The following WNT3A variants were observed in gnomAD, a reference collection of about 807,000 sequenced individuals.
The protein encoded by WNT3A is Wnt family member 3A.
In WNT3A, 17 loss-of-function variants were observed where a neutral mutation model predicts 37.0. The observed-to-expected ratio is 0.46, with a 90% confidence interval of 0.31 to 0.69. The LOEUF is 0.69. Ranked by LOEUF, WNT3A falls within the 30% of genes least tolerant of loss-of-function variation. The pLI is 0.05. For synonymous variants in WNT3A, 187 were observed against 211.0 expected (o/e 0.89, Z 0.99); for missense variants, 411 against 510.2 (o/e 0.81, Z 1.87).
chr1:228,017,871 T>G (rs1294404666), intron 1 of WNT3A, among the ~76,000 whole-genome samples: 1 of 152,140 alleles, frequency 6.6e-6, no homozygotes, highest in South Asian at 2.1e-4. Flanking sequence ...GTGTTGGAAC[T>G]CAGAGGTGGT....
At chr1:228,044,431 T>C (rs757615621) in intron 2 of WNT3A, among the ~76,000 whole-genome samples, 3 of 152,208 alleles carry the variant, frequency 2.0e-5, no homozygotes, top group Non-Finnish European at 4.4e-5. Flanking sequence ...CTTTTGGTGA[T>C]GCCATGCCTC....
intron 2 of WNT3A, among the ~76,000 whole-genome samples, chr1:228,040,978 T>A (rs2031269792): frequency 7.0e-6 from 1 of 142,334 alleles, no homozygotes; most frequent in South Asian, 2.2e-4. Flanking sequence ...ATTTTATATA[T>A]ATATATATAT....
chr1:228,025,421 T>C (rs2030828490), intron 2 of WNT3A, among the ~76,000 whole-genome samples: 1 of 152,164 alleles, frequency 6.6e-6, no homozygotes, highest in Non-Finnish European at 1.5e-5. Context: ...TGATCACGGC[T>C]CATTGCAGCC....
rs1321368677 is a variant in WNT3A at position 228,038,205 on chromosome 1, G to T, written c.314-12451G>T. Among the ~76,000 whole-genome samples the T allele has an allele frequency of 6.6e-6, 1 of 152,086 alleles. No homozygotes were observed. Among genetic ancestry groups the T allele is most frequent in the East Asian group, 1.9e-4 (1 of 5,160 alleles). On this transcript the variant is annotated intron_variant, in intron 2 of 3. Coordinates refer to ENST00000284523, the MANE Select transcript of WNT3A (RefSeq NM_033131.4). The surrounding 1 kb of genome is among the most constrained non-coding windows in gnomAD (Gnocchi z 5.7). The stretch of plus-strand genomic sequence containing the variant: ...GCCACCGCGACACCCCCTCCCGGCC[G>T]CCTGGCTCCTCCTGGGGCCGCAGGA...
At chr1:228,012,656 A>G (rs1202574473) in intron 1 of WNT3A, among the ~76,000 whole-genome samples, 1 of 152,132 alleles carries the variant, frequency 6.6e-6, no homozygotes, top group African/African-American at 2.4e-5. Flanking sequence ...TCTGTTCAGA[A>G]GACCCGCTTC....
At chr1:228,040,498 C>G (rs1008593260) in intron 2 of WNT3A, among the ~76,000 whole-genome samples, 1 of 152,044 alleles carries the variant, frequency 6.6e-6, no homozygotes, top group Non-Finnish European at 1.5e-5. Context: ...ACAGTCACTG[C>G]GTAATAAATA....
rs1395448852 is a variant in WNT3A at position 228,060,276 on chromosome 1, C to T, written c.*811C>T. On this transcript the variant is annotated 3_prime_UTR_variant, in exon 4 of 4. Transcript: ENST00000284523. The stretch of plus-strand genomic sequence containing the variant: ...CAACCCCCTGTAAGGTTCCATCCAC[C>T]CCTGCGTCGAGCTGGGAAGGTTCCA... The T allele has an allele frequency of 7.4e-7, 1 of 1,351,566 alleles. No individual in the cohort carries two copies. The highest frequency in any genetic ancestry group is 4.5e-5 in the East Asian group (1 of 21,996). The allele number at this position is 1,351,566 out of a possible 1,614,324, so 83.7% of individuals were successfully genotyped here.
At chr1:228,017,497 G>A (rs1260649903) in intron 1 of WNT3A, among the ~76,000 whole-genome samples, 1 of 152,122 alleles carries the variant, frequency 6.6e-6, no homozygotes, top group African/African-American at 2.4e-5. Flanking sequence ...AGGATGGCTT[G>A]AGTCCAGGAG....
chr1:228,022,570 C>G, intron 1 of WNT3A, 97 bp from the exon 2 acceptor site: 1 of 1,430,478 alleles, frequency 7.0e-7, no homozygotes, highest in Middle Eastern at 1.9e-4. Context: ...TCTCGCCCCC[C>G]GAATGCACTT....
intron 2 of WNT3A, among the ~76,000 whole-genome samples, chr1:228,046,454 G>C (rs1357106899): frequency 1.4e-5 from 1 of 72,122 alleles, no homozygotes; most frequent in African/African-American, 6.6e-5. Flanking sequence ...GCATGTGTCT[G>C]TGTGTGCATT....
intron 3 of WNT3A, among the ~76,000 whole-genome samples, chr1:228,051,792 G>A (rs1029044689): frequency 6.6e-6 from 1 of 152,222 alleles, no homozygotes; most frequent in African/African-American, 2.4e-5. Flanking sequence ...AGCTTCTTGG[G>A]AGGCCTCAGG....
At position 228,050,568 on chromosome 1, in the gene WNT3A, C is replaced by T. The variant is rs186396239; in HGVS notation, c.314-88C>T. ...CCCAACCTCACGAGTTCCTTTATAA[C>T]AATGCAAATGGGCTAAGACCCCTGA... On this transcript the variant is annotated intron_variant, in intron 2 of 3. Coordinates refer to ENST00000284523, the MANE Select transcript of WNT3A (RefSeq NM_033131.4). The surrounding 1 kb of genome is among the most constrained non-coding windows in gnomAD (Gnocchi z 5.0). 290 of 1,472,362 alleles carry T rather than the reference C, an allele frequency of 2.0e-4. No homozygotes were observed. Among genetic ancestry groups the T allele is most frequent in the Non-Finnish European group, 2.6e-4 (287 of 1,108,804 alleles). The allele number at this position is 1,472,362 out of a possible 1,614,324, so 91.2% of individuals were successfully genotyped here. A position where few individuals can be genotyped will look rare whatever the true frequency, so the allele number is the denominator to read the frequency against.
At chr1:228,013,170 T>G (rs1325254206) in intron 1 of WNT3A, among the ~76,000 whole-genome samples, 1 of 152,126 alleles carries the variant, frequency 6.6e-6, no homozygotes. Context: ...ATCTTGGCCT[T>G]GTGAGTAGCT....
intron 1 of WNT3A, among the ~76,000 whole-genome samples, 195 bp from the exon 2 acceptor site, chr1:228,022,472 C>A (rs1037668601): frequency 1.3e-4 from 20 of 152,304 alleles, no homozygotes; most frequent in Middle Eastern, 3.4e-3. Flanking sequence ...ATTTTAGAGG[C>A]CACAGAGAAT....
At position 228,060,254 on chromosome 1, in the gene WNT3A, C is replaced by A. The variant is rs770598373; in HGVS notation, c.*789C>A. 1.1e-5 allele frequency: 15 copies of A among 1,351,774 alleles called. No individual in the cohort carries two copies. Among genetic ancestry groups the A allele is most frequent in the Non-Finnish European group, 1.5e-5 (15 of 1,021,520 alleles). The allele number at this position is 1,351,774 out of a possible 1,614,324, so 83.7% of individuals were successfully genotyped here. On this transcript the variant is annotated 3_prime_UTR_variant, in exon 4 of 4. Transcript: ENST00000284523. ...AGCCCACCAGCCACCTCATCCCCAA[C>A]CCCCTGTAAGGTTCCATCCACCCCT...
intron 2 of WNT3A, among the ~76,000 whole-genome samples, chr1:228,048,039 G>T (rs1372482962): frequency 6.6e-6 from 1 of 152,170 alleles, no homozygotes; most frequent in Non-Finnish European, 1.5e-5. Context: ...CCAGGTGGCA[G>T]AGGAGGTCAC....
intron 2 of WNT3A, among the ~76,000 whole-genome samples, chr1:228,048,742 C>T (rs1188489424): frequency 6.6e-6 from 1 of 152,048 alleles, no homozygotes; most frequent in Admixed American, 6.5e-5. Flanking sequence ...TCAATGGAAG[C>T]AGGGCCTGGC....
intron 1 of WNT3A, among the ~76,000 whole-genome samples, chr1:228,015,252 C>T (rs1394665853): frequency 2.0e-5 from 3 of 152,210 alleles, no homozygotes; most frequent in Non-Finnish European, 1.5e-5. Context: ...CCAGCCCTGC[C>T]GTTCCCTCCA....
rs34629142 is a variant in WNT3A at position 228,060,781 on chromosome 1, G to GC, written c.*1320dup. 1 of 154,990 alleles carries GC rather than the reference G, an allele frequency of 6.5e-6. No homozygotes were observed. The highest frequency in any genetic ancestry group is 1.9e-4 in the East Asian group (1 of 5,250). 9.6% of individuals were successfully genotyped at this position (154,990 alleles called of 1,614,324 possible). A position where few individuals can be genotyped will look rare whatever the true frequency, so the allele number is the denominator to read the frequency against. ...CCTCCCTTTCCTCCGCCTGTCCACA[G>GC]CCCCTTAAGGGAAAGGTAGGAAGAG... On this transcript the variant is annotated 3_prime_UTR_variant, in exon 4 of 4. Coordinates refer to ENST00000284523, the MANE Select transcript of WNT3A (RefSeq NM_033131.4).
Sources: allele counts gnomAD v4.1 joint callset (sites outside exome capture counted in the v4.1 genomes callset), GRCh38; gene constraint gnomAD v4.1.1; non-coding constraint Gnocchi (gnomAD v3.1); transcripts MANE v1.5; gene names NCBI Gene and HGNC (gene_info 2026-07-23, HGNC 2026-07-21).